Variants in FAT3 observed in about 807,000 individuals in gnomAD.
FAT3 encodes FAT atypical cadherin 3, also known as protocadherin Fat 3.
A neutral mutation model predicts 310.2 loss-of-function variants in FAT3; 95 were observed. The ratio of observed to expected loss-of-function variants is 0.31; its 90% CI spans 0.26 to 0.36. The LOEUF (loss-of-function observed/expected upper bound fraction) is 0.36, where lower values mean the gene tolerates loss of function less well. FAT3 is among the 10% of genes least tolerant of loss of function. The pLI, the probability that FAT3 is intolerant of heterozygous loss-of-function variation, is 1.00. For synonymous variants in FAT3, 2,314 were observed against 2,192.9 expected, an observed-to-expected ratio of 1.06 and a Z score of -1.54; for missense variants, 5,408 against 5,715.6, an observed-to-expected ratio of 0.95 and a Z score of 1.74.
intron 4 of FAT3, among the ~76,000 whole-genome samples, chr11:92,741,390 A>G (rs1298601523): frequency 6.6e-6 from 1 of 152,210 alleles, no homozygotes; most frequent in African/African-American, 2.4e-5. Context: ...AGTGGTTATA[A>G]TACAGGTGCA....
At chr11:92,547,541 G>T (rs1334421025) in intron 3 of FAT3, among the ~76,000 whole-genome samples, 1 of 152,062 alleles carries the variant, frequency 6.6e-6, no homozygotes, top group East Asian at 1.9e-4. Flanking sequence ...GAAAGACCAG[G>T]TTTGAAATTT....
intron 4 of FAT3, among the ~76,000 whole-genome samples, chr11:92,720,276 A>G (rs1944823892): frequency 1.3e-5 from 2 of 152,326 alleles, no homozygotes; most frequent in African/African-American, 4.8e-5. Context: ...GCACTTTAAT[A>G]TCTTTGAATC....
chr11:92,809,720 C>CT, intron 12 of FAT3, 123 bp from the exon 13 acceptor site: 1 of 714,524 alleles, frequency 1.4e-6, no homozygotes, highest in Non-Finnish European at 2.3e-6. Context: ...GTATGGGACA[C>CT]TTGGGCCAAA....
intron 1 of FAT3, among the ~76,000 whole-genome samples, chr11:92,246,516 C>A (rs892919576): frequency 1.3e-5 from 2 of 151,962 alleles, no homozygotes; most frequent in African/African-American, 2.4e-5. Flanking sequence ...ACTATTTGCT[C>A]TAAGACAAAG....
In FAT3 at chr11:92,652,825, T is replaced by A. The variant is rs1942434795; in HGVS notation, c.3608-44559T>A. On this transcript the variant is annotated intron_variant, in intron 3 of 27. Transcript: ENST00000525166. ...CTTCCAGCCCTGGCTTCTTCCTCAT[T>A]TCCCTTTGCTTCTGTCCTGCATTTG... Among the ~76,000 whole-genome samples, 3 of 152,200 alleles carry A rather than the reference T, an allele frequency of 2.0e-5. No individual in the cohort carries two copies. In the South Asian group the frequency reaches 6.2e-4, roughly 32 times the overall value.
chr11:92,540,006 T>C (rs1954388552), intron 3 of FAT3, among the ~76,000 whole-genome samples: 1 of 152,166 alleles, frequency 6.6e-6, no homozygotes, highest in African/African-American at 2.4e-5. Context: ...TTGACATTTT[T>C]ATTTTGCGCT....
rs370228301 is a variant in FAT3 at position 92,465,434 on chromosome 11, T to C, written c.3293-59200T>C. 7.2e-5 allele frequency among the ~76,000 whole-genome samples: 11 copies of C among 152,270 alleles called. No homozygotes were observed. The East Asian group carries it at 1.4e-3, about 19-fold the overall frequency. On this transcript the variant is annotated intron_variant, in intron 2 of 27. Coordinates refer to ENST00000525166, the MANE Select transcript of FAT3 (RefSeq NM_001367949.2). ...TACAGTCCCACCAACAGTGTAAAAG[T>C]GTTCCTGTTTCTCCACATCCTCTCC...
At chr11:92,413,936 T>C (rs1170419481) in intron 2 of FAT3, among the ~76,000 whole-genome samples, 1 of 152,162 alleles carries the variant, frequency 6.6e-6, no homozygotes, top group Non-Finnish European at 1.5e-5. Context: ...TGTGCATGCA[T>C]GTTGGTGATG....
At chr11:92,595,361 G>C (rs1426803330) in intron 3 of FAT3, among the ~76,000 whole-genome samples, 2 of 152,194 alleles carry the variant, frequency 1.3e-5, no homozygotes, top group East Asian at 3.9e-4. Flanking sequence ...GAGAAGGCTG[G>C]AATCTGTTGA....
intron 3 of FAT3, among the ~76,000 whole-genome samples, chr11:92,662,244 A>G (rs560132766): frequency 1.6e-4 from 24 of 152,352 alleles, no homozygotes; most frequent in Non-Finnish European, 2.9e-4. Context: ...GAGCAGGCAC[A>G]AGTAAGATGT....
At chr11:92,748,039 C>T (rs569481861) in intron 4 of FAT3, among the ~76,000 whole-genome samples, 1 of 152,292 alleles carries the variant, frequency 6.6e-6, no homozygotes, top group African/African-American at 2.4e-5. Flanking sequence ...AGCAGCATCC[C>T]ACTACCTGGC....
At chr11:92,869,298 A>G (rs951926227) in intron 22 of FAT3, among the ~76,000 whole-genome samples, 1 of 152,304 alleles carries the variant, frequency 6.6e-6, no homozygotes, top group Non-Finnish European at 1.5e-5. Flanking sequence ...AGCCTAGCCA[A>G]TGGGTTCTTA....
chr11:92,678,324 T>C (rs757898465), intron 3 of FAT3, among the ~76,000 whole-genome samples: 1 of 152,046 alleles, frequency 6.6e-6, no homozygotes, highest in African/African-American at 2.4e-5. Flanking sequence ...GCAAAGGGAG[T>C]AGCCTCTTAG....
chr11:92,263,435 T>C (rs531910081), intron 1 of FAT3, among the ~76,000 whole-genome samples: 2 of 152,220 alleles, frequency 1.3e-5, no homozygotes, highest in East Asian at 1.9e-4. Flanking sequence ...ATATCAATGC[T>C]ATGGGAGCAA....
chr11:92,375,378 C>T (rs1400659251), intron 2 of FAT3, among the ~76,000 whole-genome samples: 1 of 152,126 alleles, frequency 6.6e-6, no homozygotes, highest in Non-Finnish European at 1.5e-5. Flanking sequence ...TAGGCTCAAG[C>T]TCTCCTCCTG....
intron 13 of FAT3, among the ~76,000 whole-genome samples, chr11:92,813,227 C>T (rs1027368932): frequency 2.0e-5 from 3 of 152,228 alleles, no homozygotes; most frequent in Admixed American, 6.5e-5. Context: ...CTCCTGACCT[C>T]GTTTGCAGAT....
chr11:92,666,269 G>T (rs536472481), intron 3 of FAT3, among the ~76,000 whole-genome samples: 1 of 151,952 alleles, frequency 6.6e-6, no homozygotes, highest in South Asian at 2.1e-4. Context: ...TGATAAAGGT[G>T]TTAATTTGGC....
At chr11:92,722,012 A>G (rs970336243) in intron 4 of FAT3, among the ~76,000 whole-genome samples, 1 of 151,950 alleles carries the variant, frequency 6.6e-6, no homozygotes, top group African/African-American at 2.4e-5. Flanking sequence ...GCCAAACCAT[A>G]TCATTCTCCC....
rs1050375462 is a variant in FAT3 at position 92,894,228 on chromosome 11, C to G, written c.*3115C>G. The G allele has an allele frequency of 2.0e-5, 3 of 152,170 alleles. No homozygotes were observed. The highest frequency in any genetic ancestry group is 4.4e-5 in the Non-Finnish European group (3 of 68,024). 9.4% of individuals were successfully genotyped at this position (152,170 alleles called of 1,614,324 possible). ...GAATTCATACATTTCTGTAGACATTCATCGAAATGCTGCTTTTGCCAAATG... is the reference window on the plus strand; with the variant it reads ...GAATTCATACATTTCTGTAGACATTGATCGAAATGCTGCTTTTGCCAAATG... On this transcript the variant is annotated 3_prime_UTR_variant, in exon 28 of 28. Transcript: ENST00000525166.
Sources: allele counts gnomAD v4.1 joint callset (sites outside exome capture counted in the v4.1 genomes callset), GRCh38; gene constraint gnomAD v4.1.1; transcripts MANE v1.5; gene names NCBI Gene and HGNC (gene_info 2026-07-23, HGNC 2026-07-21).